Variants in EIF3E observed in about 807,000 individuals in gnomAD.
The protein encoded by EIF3E is eIF-3 p48.
EIF3E carries 25 observed loss-of-function variants against 59.3 expected under a neutral mutation model. That is an observed-to-expected ratio of 0.42 (90% CI 0.31 to 0.59). The LOEUF is 0.59. Among genes scored for constraint, EIF3E ranks in the 20% least tolerant of loss-of-function variants. EIF3E has a pLI of 0.15. For missense variants in EIF3E, 317 were observed against 534.3 expected, an observed-to-expected ratio of 0.59 and a Z score of 4.01; for synonymous variants, 176 against 170.2, an observed-to-expected ratio of 1.03 and a Z score of -0.26.
chr8:108,234,899 T>C, intron 5 of EIF3E, 99 bp downstream of exon 5: 2 of 635,852 alleles, frequency 3.1e-6, no homozygotes, highest in Non-Finnish European at 4.7e-6. Flanking sequence ...GAAAACTTAA[T>C]GAACAGACCC....
chr8:108,236,121 T>C, intron 4 of EIF3E, 40 bp downstream of exon 4: 4 of 1,584,178 alleles, frequency 2.5e-6, no homozygotes, highest in Non-Finnish European at 3.4e-6. Flanking sequence ...GTCAGCATTA[T>C]TAAAACATGA....
At chr8:108,240,112 G>T (rs751068263) in intron 2 of EIF3E, 37 bp from the exon 3 acceptor site, 2 of 1,513,782 alleles carry the variant, frequency 1.3e-6, no homozygotes, top group Non-Finnish European at 9.2e-7. Context: ...CAATGTTAAG[G>T]AATGTTAAAT....
chr8:108,241,387 T>C (rs2129924160), intron 2 of EIF3E, among the ~76,000 whole-genome samples: 1 of 151,948 alleles, frequency 6.6e-6, no homozygotes, highest in South Asian at 2.1e-4. Flanking sequence ...ATGATGCTGG[T>C]CCTGGGGACC....
intron 10 of EIF3E, among the ~76,000 whole-genome samples, chr8:108,209,779 G>A (rs1161650228): frequency 6.6e-6 from 1 of 152,110 alleles, no homozygotes; most frequent in Non-Finnish European, 1.5e-5. Flanking sequence ...TAAAAATATA[G>A]GAATGGAGAA....
chr8:108,242,050 T>C, intron 1 of EIF3E, 137 bp from the exon 2 acceptor site: 1 of 1,269,056 alleles, frequency 7.9e-7, no homozygotes, highest in Non-Finnish European at 1.1e-6. Context: ...ATTCCCCTCT[T>C]GTAATAATGG....
At chr8:108,208,735 T>C (rs80293504) in intron 10 of EIF3E, among the ~76,000 whole-genome samples, 1,906 of 152,226 alleles carry the variant, frequency 0.013, 17 homozygotes, top group Admixed American at 0.021. Context: ...TGGGAAATTA[T>C]ACTAATGTAT....
intron 7 of EIF3E, among the ~76,000 whole-genome samples, chr8:108,222,121 C>T (rs968084431): frequency 2.6e-5 from 4 of 152,080 alleles, no homozygotes; most frequent in African/African-American, 9.7e-5. Context: ...TAGTTCACTA[C>T]AGCCTTTAAC....
chr8:108,238,013 C>T (rs1011762385), intron 3 of EIF3E, among the ~76,000 whole-genome samples: 1 of 152,056 alleles, frequency 6.6e-6, no homozygotes, highest in Non-Finnish European at 1.5e-5. Flanking sequence ...CAAGGATCCT[C>T]TTTTTCTAAC....
chr8:108,202,424 G>C (rs1815012536), intron 12 of EIF3E, among the ~76,000 whole-genome samples: 2 of 151,902 alleles, frequency 1.3e-5, no homozygotes, highest in Admixed American at 1.3e-4. Flanking sequence ...TAATCATAAT[G>C]TCTAAACAAC....
intron 5 of EIF3E, among the ~76,000 whole-genome samples, chr8:108,231,570 C>G (rs1176386686): frequency 4.0e-5 from 6 of 151,792 alleles, no homozygotes; most frequent in African/African-American, 1.5e-4. Context: ...ACAAATAGTC[C>G]TAGGAACTAA....
At chr8:108,229,898 T>TA (rs1400768596) in intron 5 of EIF3E, among the ~76,000 whole-genome samples, 2 of 151,970 alleles carry the variant, frequency 1.3e-5, no homozygotes, top group East Asian at 3.9e-4. Flanking sequence ...AGTCTTAACC[T>TA]AAAAAAAGAG....
chr8:108,242,078 A>C (rs551540260), intron 1 of EIF3E, 165 bp from the exon 2 acceptor site: 1 of 1,435,134 alleles, frequency 7.0e-7, no homozygotes, highest in East Asian at 2.6e-5. Flanking sequence ...TATGGCAAGC[A>C]ACCAACCTAT....
chr8:108,219,479 G>A (rs970086489), intron 7 of EIF3E, among the ~76,000 whole-genome samples: 7 of 152,104 alleles, frequency 4.6e-5, no homozygotes, highest in African/African-American at 1.7e-4. Flanking sequence ...GAATAATTTT[G>A]CTTAATTAAT....
intron 1 of EIF3E, among the ~76,000 whole-genome samples, chr8:108,247,889 A>G (rs928865614): frequency 4.6e-5 from 7 of 152,232 alleles, no homozygotes; most frequent in Admixed American, 2.6e-4. Flanking sequence ...TATGCTTTAA[A>G]ATGAAGTTCC....
At chr8:108,247,405 C>A (rs1189365124) in intron 1 of EIF3E, among the ~76,000 whole-genome samples, 1 of 152,072 alleles carries the variant, frequency 6.6e-6, no homozygotes. Flanking sequence ...TACTCAAGGT[C>A]TAAAATACAG....
In EIF3E at chr8:108,227,973, T is replaced by C. The variant is rs551223585; in HGVS notation, c.722+294A>G. ...TGAGTTACCTGGGATCTTATTAAAATGCAGATTCTAATTTAGTTCTAGGGT... is the reference window on the plus strand; with the variant it reads ...TGAGTTACCTGGGATCTTATTAAAACGCAGATTCTAATTTAGTTCTAGGGT... On this transcript the variant is annotated intron_variant, in intron 7 of 12. Coordinates refer to ENST00000220849, the MANE Select transcript of EIF3E (RefSeq NM_001568.3). The C allele has an allele frequency of 1.0e-3, 225 of 217,454 alleles. 2 individuals carry two copies. Among genetic ancestry groups the C allele is most frequent in the African/African-American group, 5.0e-3 (219 of 44,182 alleles). The allele number at this position is 217,454 out of a possible 1,614,324, so 13.5% of individuals were successfully genotyped here.
intron 1 of EIF3E, 60 bp downstream of exon 1, chr8:108,248,553 C>A (rs1815994286): frequency 5.8e-6 from 9 of 1,562,824 alleles, no homozygotes; most frequent in Middle Eastern, 1.7e-4. Flanking sequence ...CACCACCTTT[C>A]GGCCTTGCTC....
In EIF3E at chr8:108,247,177, T is replaced by C. The variant is rs180880732; in HGVS notation, c.90+1436A>G. On this transcript the variant is annotated intron_variant, in intron 1 of 12. Transcript: ENST00000220849. ...CTGCCTGCAGTTCATAGTTTTCGTC[T>C]AGCCCTATGAAAATCTAATTCACAT... Among the ~76,000 whole-genome samples the C allele has an allele frequency of 1.3e-4, 20 of 152,344 alleles. No homozygotes were observed. The East Asian group carries it at 2.7e-3, about 21-fold the overall frequency.
intron 5 of EIF3E, among the ~76,000 whole-genome samples, chr8:108,231,639 A>G (rs1815622606): frequency 6.6e-6 from 1 of 152,172 alleles, no homozygotes; most frequent in Admixed American, 6.5e-5. Flanking sequence ...ATGGAGCCAG[A>G]TCAAAGGCCA....
Sources: gnomAD v4.1 joint callset for allele counts (sites outside exome capture counted in the v4.1 genomes callset) on GRCh38, gnomAD v4.1.1 for gene constraint, MANE v1.5 for transcripts, NCBI Gene and HGNC (gene_info 2026-07-23, HGNC 2026-07-21) for gene names.